The following ZFPM2 variants were observed in gnomAD, a reference collection of about 807,000 sequenced individuals.
ZFPM2 encodes the protein zinc finger protein ZFPM2.
Under a neutral mutation model 98.6 loss-of-function variants are expected in ZFPM2, and 20 were observed. The observed-to-expected ratio is 0.20, with a 90% CI of 0.14 to 0.29. The LOEUF (loss-of-function observed/expected upper bound fraction) is 0.29, where lower values mean the gene tolerates loss of function less well. Among genes scored for constraint, ZFPM2 ranks in the 10% least tolerant of loss-of-function variants. ZFPM2 has a pLI of 1.00. For missense variants in ZFPM2, 1,310 were observed against 1,388.6 expected (o/e 0.94, Z 0.90); for synonymous variants, 518 against 502.7 (o/e 1.03, Z -0.41).
intron 5 of ZFPM2, among the ~76,000 whole-genome samples, chr8:105,753,375 A>C (rs1333904943): frequency 6.6e-6 from 1 of 152,132 alleles, no homozygotes; most frequent in Non-Finnish European, 1.5e-5. Context: ...GGCCTCAGGC[A>C]GTTCACACAC....
At chr8:105,388,900 T>C (rs999576692) in intron 1 of ZFPM2, among the ~76,000 whole-genome samples, 8 of 152,218 alleles carry the variant, frequency 5.3e-5, no homozygotes, top group African/African-American at 1.9e-4. Flanking sequence ...CCTTCACTGA[T>C]ACACTGTAGC....
At chr8:105,500,470 T>C (rs1813568344) in intron 3 of ZFPM2, among the ~76,000 whole-genome samples, 1 of 152,178 alleles carries the variant, frequency 6.6e-6, no homozygotes, top group Non-Finnish European at 1.5e-5. Context: ...CCCTTCTGTG[T>C]ATGTTATAAT....
At chr8:105,461,388 A>T (rs1812702191) in intron 3 of ZFPM2, among the ~76,000 whole-genome samples, 1 of 152,182 alleles carries the variant, frequency 6.6e-6, no homozygotes, top group Admixed American at 6.5e-5. Context: ...ACCTGAAATT[A>T]ATAATTCTCC....
chr8:105,670,762 C>G (rs1817580150), intron 5 of ZFPM2, among the ~76,000 whole-genome samples: 1 of 152,092 alleles, frequency 6.6e-6, no homozygotes, highest in Admixed American at 6.5e-5. Flanking sequence ...CACTGCCTTG[C>G]TAGTAGAATT....
At chr8:105,714,959 T>C (rs1811484049) in intron 5 of ZFPM2, among the ~76,000 whole-genome samples, 1 of 152,138 alleles carries the variant, frequency 6.6e-6, no homozygotes, top group Admixed American at 6.6e-5. Context: ...AAGTTGCTTA[T>C]ACCATTGATA....
chr8:105,364,400 T>C (rs1046115801), intron 1 of ZFPM2, among the ~76,000 whole-genome samples: 2 of 152,064 alleles, frequency 1.3e-5, no homozygotes, highest in African/African-American at 4.8e-5. Flanking sequence ...ATGGTACTTT[T>C]TATTTAAATT....
At chr8:105,603,482 A>G (rs1816135831) in intron 4 of ZFPM2, among the ~76,000 whole-genome samples, 1 of 152,114 alleles carries the variant, frequency 6.6e-6, no homozygotes, top group Admixed American at 6.6e-5. Flanking sequence ...TTTTTCCCCA[A>G]AAATCTGACT....
intron 3 of ZFPM2, among the ~76,000 whole-genome samples, chr8:105,475,933 A>G (rs184574778): frequency 2.6e-5 from 4 of 152,328 alleles, no homozygotes; most frequent in Admixed American, 1.3e-4. Context: ...ATAAATATGT[A>G]TGCAACTTTA....
intron 5 of ZFPM2, among the ~76,000 whole-genome samples, chr8:105,731,225 T>G (rs1268011883): frequency 2.0e-5 from 3 of 151,724 alleles, no homozygotes; most frequent in Middle Eastern, 3.4e-3. Flanking sequence ...GTCCTTTCCC[T>G]TATTTTTTTT....
At chr8:105,628,254 G>A (rs1194106398) in intron 4 of ZFPM2, among the ~76,000 whole-genome samples, 2 of 152,114 alleles carry the variant, frequency 1.3e-5, no homozygotes, top group African/African-American at 4.8e-5. Context: ...AAACAATAAT[G>A]TCCTTTTGTT....
chr8:105,655,223 CTTTTTTTTTTTT>C (rs34262627), intron 5 of ZFPM2, among the ~76,000 whole-genome samples: 1 of 76,088 alleles, frequency 1.3e-5, no homozygotes. Flanking sequence ...TGCATTGAGT[CTTTTTTTTTTTT>C]TTTTTTTTTT....
intron 3 of ZFPM2, among the ~76,000 whole-genome samples, chr8:105,552,453 T>G (rs1814878672): frequency 6.6e-6 from 1 of 152,122 alleles, no homozygotes; most frequent in African/African-American, 2.4e-5. Flanking sequence ...CAGGGAAGGT[T>G]TCTGGCAGCA....
chr8:105,694,264 G>A (rs1024464144), intron 5 of ZFPM2, among the ~76,000 whole-genome samples: 7 of 151,874 alleles, frequency 4.6e-5, no homozygotes, highest in Non-Finnish European at 7.4e-5. Context: ...GGGATTACAG[G>A]CCTGAGCCAC....
intron 3 of ZFPM2, among the ~76,000 whole-genome samples, chr8:105,517,707 C>CACACCACA (rs61552974): frequency 1.1e-4 from 14 of 124,980 alleles, no homozygotes; most frequent in African/African-American, 4.6e-4. Flanking sequence ...CACACACACA[C>CACACCACA]CACACACACA....
chr8:105,574,907 G>C (rs959401006), intron 4 of ZFPM2, among the ~76,000 whole-genome samples: 1 of 150,714 alleles, frequency 6.6e-6, no homozygotes, highest in Non-Finnish European at 1.5e-5. Context: ...TAGGCATCAG[G>C]ACCCAAGTAC....
intron 4 of ZFPM2, among the ~76,000 whole-genome samples, chr8:105,633,146 T>C (rs192701095): frequency 4.6e-5 from 7 of 152,296 alleles, no homozygotes; most frequent in Non-Finnish European, 1.0e-4. Context: ...ATCACCAGAT[T>C]ATGTGGAACT....
At chr8:105,613,338 T>C (rs969986761) in intron 4 of ZFPM2, among the ~76,000 whole-genome samples, 3 of 151,924 alleles carry the variant, frequency 2.0e-5, no homozygotes, top group African/African-American at 4.8e-5. Flanking sequence ...AAAAGAACAC[T>C]GGAGAAGATC....
At chr8:105,453,799 A>G (rs1812532670) in intron 3 of ZFPM2, among the ~76,000 whole-genome samples, 2 of 151,428 alleles carry the variant, frequency 1.3e-5, no homozygotes, top group African/African-American at 2.4e-5. Flanking sequence ...AATTTTTTTT[A>G]TTTTTAGTAG....
In ZFPM2 at chr8:105,799,011, T is replaced by A; in HGVS notation, c.964+63T>A. 3 of 1,392,050 alleles carry A rather than the reference T, an allele frequency of 2.2e-6. 1 individual carries two copies. The highest frequency in any genetic ancestry group is 3.7e-4 in the Middle Eastern group (2 of 5,434). The allele number at this position is 1,392,050 out of a possible 1,614,324, so 86.2% of individuals were successfully genotyped here. A position where few individuals can be genotyped will look rare whatever the true frequency, so the allele number is the denominator to read the frequency against. On this transcript the variant is annotated intron_variant, in intron 7 of 7. Coordinates refer to ENST00000407775, the MANE Select transcript of ZFPM2 (RefSeq NM_012082.4). ...ACTCTGTTATTTTTATAAATATATA[T>A]GCATTACATGTATACGTCTATATCT...
Sources: gnomAD v4.1 joint callset for allele counts (sites outside exome capture counted in the v4.1 genomes callset) on GRCh38, gnomAD v4.1.1 for gene constraint, MANE v1.5 for transcripts, NCBI Gene and HGNC (gene_info 2026-07-23, HGNC 2026-07-21) for gene names.